ADAM2: variants seen among roughly 807,000 people sequenced by gnomAD.
The protein encoded by ADAM2 is disintegrin and metalloproteinase domain-containing protein 2.
Under a neutral mutation model 99.3 loss-of-function variants are expected in ADAM2, and 101 were observed. The observed-to-expected ratio is 1.02, with a 90% CI of 0.87 to 1.20. The LOEUF (loss-of-function observed/expected upper bound fraction) is 1.20, where lower values mean the gene tolerates loss of function less well. ADAM2 is among the 50% of genes most tolerant of loss of function. The pLI, the probability that ADAM2 is intolerant of heterozygous loss-of-function variation, is 0.00. For synonymous variants in ADAM2, 323 were observed against 287.6 expected, an observed-to-expected ratio of 1.12 and a Z score of -1.25; for missense variants, 948 against 878.7, an observed-to-expected ratio of 1.08 and a Z score of -1.00.
chr8:39,826,930 T>G (rs1805432525), intron 3 of ADAM2, among the ~76,000 whole-genome samples: 2 of 151,700 alleles, frequency 1.3e-5, no homozygotes, highest in South Asian at 4.1e-4. Flanking sequence ...GAAGCTTCTG[T>G]ACAGCAAAGG....
Position 39,748,488 on chromosome 8 carries a change from A to G in ADAM2, c.2014+824T>C, listed in dbSNP as rs569836498. ...ATAACATTAAATATAATATTTCCAG[A>G]TACTGGAATTAATAACTACCTATGA... On this transcript the variant is annotated intron_variant, in intron 18 of 20. Transcript: ENST00000265708. Among the ~76,000 whole-genome samples, 6 of 152,326 alleles carry G rather than the reference A, an allele frequency of 3.9e-5. No individual in the cohort carries two copies. The East Asian group carries it at 1.2e-3, about 29-fold the overall frequency.
At chr8:39,770,715 T>C (rs552812447) in intron 11 of ADAM2, among the ~76,000 whole-genome samples, 1 of 152,328 alleles carries the variant, frequency 6.6e-6, no homozygotes, top group South Asian at 2.1e-4. Context: ...TAGTTTGTAC[T>C]CCTAATATTT....
Position 39,744,834 on chromosome 8 carries a change from A to G in ADAM2, c.*26T>C, listed in dbSNP as rs769080149. The stretch of plus-strand genomic sequence containing the variant: ...AAAAAAATGAAAGAAACTCACAGTG[A>G]TATCATGGCATCTCTGTTGTCCAGA... On this transcript the variant is annotated 3_prime_UTR_variant, in exon 20 of 21. Coordinates refer to ENST00000265708, the MANE Select transcript of ADAM2 (RefSeq NM_001464.5). 6.3e-7 allele frequency: 1 copy of G among 1,579,990 alleles called. No individual in the cohort carries two copies. Among genetic ancestry groups the G allele is most frequent in the Non-Finnish European group, 8.6e-7 (1 of 1,163,768 alleles).
At chr8:39,783,741 G>A (rs374212915) in intron 10 of ADAM2, among the ~76,000 whole-genome samples, 2 of 152,172 alleles carry the variant, frequency 1.3e-5, no homozygotes, top group East Asian at 3.9e-4. Context: ...CACAAGGTCA[G>A]GAGATCGAGA....
chr8:39,755,657 G>A (rs1802119487), intron 16 of ADAM2, 71 bp downstream of exon 16: 9 of 1,167,056 alleles, frequency 7.7e-6, no homozygotes, highest in Non-Finnish European at 1.1e-5. Context: ...CAGGGCAAGA[G>A]TGACACTCAT....
intron 3 of ADAM2, among the ~76,000 whole-genome samples, chr8:39,826,206 T>C (rs1252928688): frequency 2.6e-5 from 4 of 152,192 alleles, no homozygotes; most frequent in African/African-American, 9.6e-5. Context: ...ATAGCCATAG[T>C]AACCAAAAGA....
rs188167970 is a variant in ADAM2, at chr8:39,810,061, T to C, written c.514-595A>G. On this transcript the variant is annotated intron_variant, in intron 6 of 20. Coordinates refer to ENST00000265708, the MANE Select transcript of ADAM2 (RefSeq NM_001464.5). Reference sequence around the variant, plus strand: ...CCCATCTCATGTGCAGAGACAAACATAAGCTCAAAATAAAGGGATGTAGGA... The same window carrying C: ...CCCATCTCATGTGCAGAGACAAACACAAGCTCAAAATAAAGGGATGTAGGA... 7.9e-5 allele frequency among the ~76,000 whole-genome samples: 12 copies of C among 151,746 alleles called. No homozygotes were observed. The East Asian group carries it at 2.3e-3, about 29-fold the overall frequency.
rs1167949197 is a variant in ADAM2 at position 39,821,682 on chromosome 8, T to C, written c.268-20A>G. 8 of 1,486,742 alleles carry C rather than the reference T, an allele frequency of 5.4e-6. No homozygotes were observed. The highest frequency in any genetic ancestry group is 7.5e-6 in the Non-Finnish European group (8 of 1,066,314). The allele number at this position is 1,486,742 out of a possible 1,614,324, so 92.1% of individuals were successfully genotyped here. On this transcript the variant is annotated intron_variant, in intron 4 of 20. Coordinates refer to ENST00000265708, the MANE Select transcript of ADAM2 (RefSeq NM_001464.5). ...GAAATTCTGAAAGATAAAATACACA[T>C]ATCTCCATTAGAATGGTTTGTGTTA... is the stretch of plus-strand genomic sequence containing the variant.
At chr8:39,780,159 G>A (rs930957842) in intron 10 of ADAM2, among the ~76,000 whole-genome samples, 6 of 152,054 alleles carry the variant, frequency 3.9e-5, no homozygotes, top group Admixed American at 3.3e-4. Flanking sequence ...GCCAGAGAAC[G>A]CGTGCAGGGG....
chr8:39,777,245 T>A (rs1023479936), intron 10 of ADAM2, 84 bp from the exon 11 acceptor site: 3 of 1,098,586 alleles, frequency 2.7e-6, no homozygotes, highest in East Asian at 2.4e-5. Flanking sequence ...GATCACATGA[T>A]AAAATGGAAT....
rs781759811 is a variant in ADAM2, at chr8:39,837,140, G to A, written c.128C>T (p.Ser43Leu). The change falls in exon 2 of 21, where the codon TCG (serine) becomes TTG (leucine). Residue 43 changes from serine (S) to leucine (L), a missense_variant. Physicochemically the swap from Ser to Leu is moderately radical, Grantham distance 145 (BLOSUM62 -2). Coordinates refer to ENST00000265708, the MANE Select transcript of ADAM2 (RefSeq NM_001464.5). Reference protein sequence around the residue: ...IRSIIKEGIESQASYKIVIEG... With the variant: ...IRSIIKEGIELQASYKIVIEG... Reference sequence around the variant, plus strand: ...ATACTGTTAGTGATTCATTACCTGCGATTCAATTCCTTCCTTTATTATTGA... The same window carrying A: ...ATACTGTTAGTGATTCATTACCTGCAATTCAATTCCTTCCTTTATTATTGA... 54 of 1,593,308 alleles carry A rather than the reference G, an allele frequency of 3.4e-5. No individual in the cohort carries two copies. The Admixed American group carries it at 7.7e-4, about 23-fold the overall frequency.
At position 39,821,765 on chromosome 8, in the gene ADAM2, A is replaced by G. The variant is rs575858586; in HGVS notation, c.268-103T>C. 2.9e-4 allele frequency: 224 copies of G among 767,130 alleles called. 1 individual carries two copies. The African/African-American group carries it at 3.6e-3, about 12-fold the overall frequency. The allele number at this position is 767,130 out of a possible 1,614,324, so 47.5% of individuals were successfully genotyped here. On this transcript the variant is annotated intron_variant, in intron 4 of 20. Coordinates refer to ENST00000265708, the MANE Select transcript of ADAM2 (RefSeq NM_001464.5). ...TGTGTTTTGTTTTTATGCATCAAAC[A>G]CTCATGTTTCAAAAATGGATTTATA...
chr8:39,765,017 C>G (rs189646839), intron 14 of ADAM2, among the ~76,000 whole-genome samples: 3 of 144,094 alleles, frequency 2.1e-5, no homozygotes, highest in African/African-American at 7.8e-5. Context: ...AGCAAGACTC[C>G]GGCTCCAAAA....
intron 2 of ADAM2, among the ~76,000 whole-genome samples, chr8:39,835,899 C>T (rs931315260): frequency 1.3e-5 from 2 of 151,934 alleles, no homozygotes; most frequent in Non-Finnish European, 2.9e-5. Context: ...ATTTAACTCC[C>T]TTTAACTCCT....
chr8:39,759,585 G>A (rs1802274766), intron 15 of ADAM2, among the ~76,000 whole-genome samples: 1 of 152,060 alleles, frequency 6.6e-6, no homozygotes, highest in Non-Finnish European at 1.5e-5. Context: ...TGGATATATT[G>A]AGGAATAAAC....
Position 39,777,907 on chromosome 8 carries a change from G to T in ADAM2, c.892-746C>A, listed in dbSNP as rs974959952. On this transcript the variant is annotated intron_variant, in intron 10 of 20. Transcript: ENST00000265708. ...CATAAATGTTTTTATAAACTCATAA[G>T]TTAACTCACTGAATTAATTAATATT... Among the ~76,000 whole-genome samples, 4 of 150,722 alleles carry T rather than the reference G, an allele frequency of 2.7e-5. No homozygotes were observed. In the East Asian group the frequency reaches 7.8e-4, roughly 29 times the overall value.
At chr8:39,807,037 C>T (rs1339287407) in intron 7 of ADAM2, among the ~76,000 whole-genome samples, 2 of 152,182 alleles carry the variant, frequency 1.3e-5, no homozygotes, top group Non-Finnish European at 2.9e-5. Context: ...TTAATTTCCA[C>T]AGTTTGGATG....
At chr8:39,745,989 G>T (rs1823427590) in intron 19 of ADAM2, among the ~76,000 whole-genome samples, 1 of 142,574 alleles carries the variant, frequency 7.0e-6, no homozygotes, top group South Asian at 2.3e-4. Flanking sequence ...GCATGTGTAT[G>T]TGTGTGTGTG....
At chr8:39,837,608 A>G (rs562436465) in intron 1 of ADAM2, among the ~76,000 whole-genome samples, 1 of 152,116 alleles carries the variant, frequency 6.6e-6, no homozygotes, top group East Asian at 1.9e-4. Context: ...GATGGTCTCG[A>G]TCTCCTGACC....
Sources: gnomAD v4.1 joint callset for allele counts (sites outside exome capture counted in the v4.1 genomes callset) on GRCh38, gnomAD v4.1.1 for gene constraint, MANE v1.5 for transcripts, NCBI Gene and HGNC (gene_info 2026-07-23, HGNC 2026-07-21) for gene names.